The following SGPL1 variants were observed in gnomAD, a reference collection of about 807,000 sequenced individuals.
SGPL1 encodes SP-lyase 1.
In SGPL1, 37 loss-of-function variants were observed where a neutral mutation model predicts 68.9. That is an observed-to-expected ratio of 0.54 (90% confidence interval 0.41 to 0.71). SGPL1 has a LOEUF of 0.71. Ranked by LOEUF, SGPL1 falls within the 30% of genes least tolerant of loss-of-function variation. SGPL1 has a pLI of 0.00. For missense variants in SGPL1, 551 were observed against 704.6 expected (o/e 0.78, Z 2.47); for synonymous variants, 236 against 248.5 (o/e 0.95, Z 0.47).
At chr10:70,872,829 T>A (rs1564632051) in intron 11 of SGPL1, among the ~76,000 whole-genome samples, 1 of 152,182 alleles carries the variant, frequency 6.6e-6, no homozygotes, top group Non-Finnish European at 1.5e-5. Flanking sequence ...TCAGATGTTC[T>A]ATAAGGAAAC....
rs556454678 is a variant in SGPL1 at position 70,826,287 on chromosome 10, A to G, written c.27+9407A>G. ...TACAATGCAATGCCAGTACAATTCC[A>G]TTCCATTCCATTCATTCCCATTCCA... is the stretch of plus-strand genomic sequence containing the variant. On this transcript the variant is annotated intron_variant, in intron 2 of 14. Coordinates refer to ENST00000373202, the MANE Select transcript of SGPL1 (RefSeq NM_003901.4). 4.6e-5 allele frequency among the ~76,000 whole-genome samples: 7 copies of G among 152,326 alleles called. No homozygotes were observed. The East Asian group carries it at 1.3e-3, about 29-fold the overall frequency.
At chr10:70,847,147 T>A (rs920517565) in intron 3 of SGPL1, among the ~76,000 whole-genome samples, 11 of 151,848 alleles carry the variant, frequency 7.2e-5, no homozygotes, top group Non-Finnish European at 1.5e-4. Flanking sequence ...TTTTTTTTTG[T>A]TTTTTGTTTT....
At chr10:70,819,570 C>T (rs939969931) in intron 2 of SGPL1, among the ~76,000 whole-genome samples, 5 of 151,718 alleles carry the variant, frequency 3.3e-5, no homozygotes, top group Non-Finnish European at 5.9e-5. Flanking sequence ...AAAAAATAAC[C>T]TCAGTGCAGT....
chr10:70,825,706 G>A (rs566986601), intron 2 of SGPL1, among the ~76,000 whole-genome samples: 24 of 152,298 alleles, frequency 1.6e-4, no homozygotes, highest in African/African-American at 5.5e-4. Context: ...ACAATGCCCT[G>A]TCAGGAGTGA....
chr10:70,817,028 T>C, intron 2 of SGPL1, 148 bp downstream of exon 2: 1 of 894,982 alleles, frequency 1.1e-6, no homozygotes, highest in Middle Eastern at 2.4e-4. Flanking sequence ...TGTTTTGTTT[T>C]GTTTTTTTGG....
At chr10:70,860,557 A>AG (rs1846035657) in intron 7 of SGPL1, 1 of 422,382 alleles carries the variant, frequency 2.4e-6, no homozygotes, top group Non-Finnish European at 4.8e-6. Flanking sequence ...AGTTTCCCTT[A>AG]GAGTACTGAG....
At position 70,873,507 on chromosome 10, in the gene SGPL1, G is replaced by A. The variant is rs750358279; in HGVS notation, c.1216G>A (p.Ala406Thr). ...RPGGISAACWAALMHFGENGY... is the reference protein window; with the variant it reads ...RPGGISAACWTALMHFGENGY... ...TGGTGGCATTAGCGCAGCCTGTTGG[G>A]CTGCCTTGATGCACTTCGGTGAGAA... The change falls in exon 12 of 15, where the codon GCT becomes ACT. Residue 406 changes from alanine to threonine, a missense_variant. Physicochemically the swap from Ala to Thr is moderately conservative, Grantham distance 58. Coordinates refer to ENST00000373202, the MANE Select transcript of SGPL1 (RefSeq NM_003901.4). The A allele has an allele frequency of 6.2e-7, 1 of 1,614,264 alleles. No homozygotes were observed. Among genetic ancestry groups the A allele is most frequent in the Non-Finnish European group, 8.5e-7 (1 of 1,180,038 alleles).
At chr10:70,844,093 A>C (rs1845755780) in intron 2 of SGPL1, among the ~76,000 whole-genome samples, 1 of 152,238 alleles carries the variant, frequency 6.6e-6, no homozygotes, top group Non-Finnish European at 1.5e-5. Context: ...AGAGAATAGG[A>C]AAGATTCAAA....
In SGPL1 at chr10:70,871,994, A is replaced by G. The variant is rs780902039; in HGVS notation, c.1059+8A>G. The G allele has an allele frequency of 4.3e-5, 70 of 1,612,074 alleles. No homozygotes were observed. Among genetic ancestry groups the G allele is most frequent in the Non-Finnish European group, 5.8e-5 (68 of 1,179,384 alleles). On this transcript the variant is annotated splice_region_variant and intron_variant, in intron 11 of 14. Coordinates refer to ENST00000373202, the MANE Select transcript of SGPL1 (RefSeq NM_003901.4). ...TCAGCTGACACCCATAAGGTGAGCT[A>G]AGGAGGAGATCAAGTGTTACCAGTT...
rs879758544 is a variant in SGPL1, at chr10:70,820,772, C to CA, written c.27+3905dup. On this transcript the variant is annotated intron_variant, in intron 2 of 14. Transcript: ENST00000373202. ...CCTGGGCGACAGAGCGAGACTGTCT[C>CA]AAAAAAAAAAAAATTTGTGTTTTAT... Among the ~76,000 whole-genome samples the CA allele has an allele frequency of 5.4e-3, 721 of 134,754 alleles. 3 individuals are homozygous for CA. Among genetic ancestry groups the CA allele is most frequent in the African/African-American group, 0.015 (552 of 36,554 alleles). 88.4% of individuals were successfully genotyped at this position (134,754 alleles called of 152,430 possible).
chr10:70,842,012 T>A (rs1845723749), intron 2 of SGPL1, among the ~76,000 whole-genome samples: 1 of 152,178 alleles, frequency 6.6e-6, no homozygotes, highest in South Asian at 2.1e-4. Context: ...CCATGCCTTT[T>A]GTTTTGTTTT....
intron 11 of SGPL1, 35 bp from the exon 12 acceptor site, chr10:70,873,316 A>T (rs1262985825): frequency 6.8e-7 from 1 of 1,479,820 alleles, no homozygotes. Context: ...ACAGAACTAT[A>T]CTCTCACTTT....
intron 2 of SGPL1, among the ~76,000 whole-genome samples, chr10:70,821,723 A>G (rs927618587): frequency 1.3e-5 from 2 of 152,232 alleles, no homozygotes; most frequent in African/African-American, 4.8e-5. Context: ...AGAAACTGGT[A>G]TGAAGTTTCT....
Position 70,876,752 on chromosome 10 carries a change from G to C in SGPL1, c.1566+91G>C. On this transcript the variant is annotated intron_variant, in intron 14 of 14. Transcript: ENST00000373202. ...ATCATATGACCCGGAGTCTGTTCCT[G>C]CCTCTGCCCCTTTGCCACAGACATC... 5 of 1,143,538 alleles carry C rather than the reference G, an allele frequency of 4.4e-6. No homozygotes were observed. In the South Asian group the frequency reaches 7.4e-5, roughly 17 times the overall value. The allele number at this position is 1,143,538 out of a possible 1,614,324, so 70.8% of individuals were successfully genotyped here. A position where few individuals can be genotyped will look rare whatever the true frequency, so the allele number is the denominator to read the frequency against.
Position 70,878,593 on chromosome 10 carries a change from C to T in SGPL1, c.*1258C>T, listed in dbSNP as rs1846441718. 6.6e-6 allele frequency: 1 copy of T among 152,174 alleles called. No homozygotes were observed. The highest frequency in any genetic ancestry group is 2.1e-4 in the South Asian group (1 of 4,826). The allele number at this position is 152,174 out of a possible 1,614,324, so 9.4% of individuals were successfully genotyped here. A position where few individuals can be genotyped will look rare whatever the true frequency, so the allele number is the denominator to read the frequency against. On this transcript the variant is annotated 3_prime_UTR_variant, in exon 15 of 15. Transcript: ENST00000373202. ...ATATGTCACCAAAGTTGGTGGTGGT[C>T]CTTCCCTGCACCCTTGCGTTAAGCC...
rs766439054 is a variant in SGPL1 at position 70,829,189 on chromosome 10, G to A, written c.27+12309G>A. Reference sequence around the variant, plus strand: ...TACGATCTGTAAAGATAGTAGGTAAGTGATTTAATCTTGTTGTATAGGTAG... The same window carrying A: ...TACGATCTGTAAAGATAGTAGGTAAATGATTTAATCTTGTTGTATAGGTAG... On this transcript the variant is annotated intron_variant, in intron 2 of 14. Coordinates refer to ENST00000373202, the MANE Select transcript of SGPL1 (RefSeq NM_003901.4). Among the ~76,000 whole-genome samples the A allele has an allele frequency of 2.9e-4, 44 of 152,316 alleles. 1 individual carries two copies. Among genetic ancestry groups the A allele is most frequent in the Middle Eastern group, 3.4e-3 (1 of 294 alleles).
At chr10:70,854,492 TAG>T (rs1845931788) in intron 4 of SGPL1, among the ~76,000 whole-genome samples, 5 of 152,114 alleles carry the variant, frequency 3.3e-5, no homozygotes, top group Admixed American at 2.0e-4. Flanking sequence ...TCTTGACCTT[TAG>T]AGAGAAGCTT....
intron 3 of SGPL1, among the ~76,000 whole-genome samples, 179 bp from the exon 4 acceptor site, chr10:70,850,964 T>C (rs946226451): frequency 6.6e-5 from 10 of 152,216 alleles, no homozygotes; most frequent in African/African-American, 2.4e-4. Flanking sequence ...TTTTGAACCA[T>C]GTAAATATAG....
At chr10:70,872,462 T>TG (rs774650566) in intron 11 of SGPL1, among the ~76,000 whole-genome samples, 6 of 152,218 alleles carry the variant, frequency 3.9e-5, no homozygotes, top group Non-Finnish European at 8.8e-5. Flanking sequence ...AGAACCTGTG[T>TG]GCTCAGGAAC....
Sources: gnomAD v4.1 joint callset for allele counts (sites outside exome capture counted in the v4.1 genomes callset) on GRCh38, gnomAD v4.1.1 for gene constraint, MANE v1.5 for transcripts, NCBI Gene and HGNC (gene_info 2026-07-23, HGNC 2026-07-21) for gene names.